Variants in COL5A2 observed in about 807,000 individuals in gnomAD.
The protein encoded by COL5A2 is collagen type V alpha 2 chain, also known as collagen alpha-2(V) chain.
Under a neutral mutation model 208.2 loss-of-function variants are expected in COL5A2, and 23 were observed. That is an observed-to-expected ratio of 0.11 (90% CI 0.08 to 0.16). The LOEUF is 0.16. COL5A2 is among the 10% of genes least tolerant of loss of function. COL5A2 has a pLI of 1.00. For synonymous variants in COL5A2, 625 were observed against 628.5 expected (o/e 0.99, Z 0.08); for missense variants, 1,590 against 1,956.4 (o/e 0.81, Z 3.53).
chr2:189,251,140 T>C, the COL5A2 span, among the ~76,000 whole-genome samples: 1 of 152,078 alleles, frequency 6.6e-6, no homozygotes, highest in Non-Finnish European at 1.5e-5. Context: ...CTCTACACAA[T>C]AAAAAATTTT....
intron 45 of COL5A2, among the ~76,000 whole-genome samples, chr2:189,046,398 A>G (rs927219328): frequency 7.9e-5 from 12 of 152,302 alleles, no homozygotes; most frequent in African/African-American, 2.9e-4. Flanking sequence ...CTCATTTTGT[A>G]AAAGAAAAGC....
chr2:189,365,115 A>T, the COL5A2 span, among the ~76,000 whole-genome samples: 1 of 152,168 alleles, frequency 6.6e-6, no homozygotes, highest in Non-Finnish European at 1.5e-5. Flanking sequence ...TTTTCAGCCA[A>T]TCTGTAATTT....
rs548808461 is a variant in COL5A2, at chr2:189,122,747, A to G, written c.98-12298T>C. Among the ~76,000 whole-genome samples the G allele has an allele frequency of 9.8e-5, 15 of 152,338 alleles. No individual in the cohort carries two copies. In the South Asian group the frequency reaches 2.5e-3, roughly 25 times the overall value. On this transcript the variant is annotated intron_variant, in intron 1 of 53. Coordinates refer to ENST00000374866, the MANE Select transcript of COL5A2 (RefSeq NM_000393.5). ...CATGAAATGCTTGCTGAATAAATGA[A>G]AAAAGGTAATAAATAAAAGAATGTA...
At chr2:189,119,929 T>A (rs983237400) in intron 1 of COL5A2, among the ~76,000 whole-genome samples, 6 of 152,174 alleles carry the variant, frequency 3.9e-5, no homozygotes, top group African/African-American at 1.4e-4. Flanking sequence ...CTTGTTAACA[T>A]ATAGAAAAAG....
At chr2:189,066,832 C>A (rs1162536111) in intron 21 of COL5A2, 50 bp from the exon 22 acceptor site, 1 of 1,379,290 alleles carries the variant, frequency 7.3e-7, no homozygotes, top group Non-Finnish European at 1.0e-6. Context: ...TTAGCTAGTC[C>A]AATCTGCTCA....
chr2:189,068,580 A>G (rs1686204128), intron 19 of COL5A2, among the ~76,000 whole-genome samples: 1 of 152,254 alleles, frequency 6.6e-6, no homozygotes, highest in African/African-American at 2.4e-5. Context: ...CCCAACACAT[A>G]GAAGTGATAT....
chr2:189,400,176 A>T, the COL5A2 span, among the ~76,000 whole-genome samples: 10 of 152,164 alleles, frequency 6.6e-5, no homozygotes, highest in African/African-American at 2.4e-4. Context: ...CTTGATACTT[A>T]TCCTGCTCTG....
intron 8 of COL5A2, among the ~76,000 whole-genome samples, chr2:189,087,851 C>A (rs897854074): frequency 4.1e-5 from 6 of 148,046 alleles, no homozygotes; most frequent in African/African-American, 7.4e-5. Context: ...TTAAAAAAAA[C>A]CACACATATG....
intron 1 of COL5A2, among the ~76,000 whole-genome samples, chr2:189,189,022 T>A (rs1488361163): frequency 6.6e-6 from 1 of 152,324 alleles, no homozygotes; most frequent in East Asian, 1.9e-4. Context: ...TTTCTGTCTT[T>A]GAGAGAAGAA....
intron 1 of COL5A2, among the ~76,000 whole-genome samples, chr2:189,224,835 T>TA (rs909215952): frequency 3.6e-4 from 55 of 150,860 alleles, no homozygotes; most frequent in East Asian, 3.9e-4. Context: ...TAAGAACATA[T>TA]AAAAAAAAAC....
chr2:189,365,659 G>A, the COL5A2 span, among the ~76,000 whole-genome samples: 2 of 152,214 alleles, frequency 1.3e-5, no homozygotes, highest in East Asian at 1.9e-4. Flanking sequence ...CTGGAAGTCT[G>A]TTACTGACCC....
At chr2:189,082,903 A>C (rs966912900) in intron 12 of COL5A2, among the ~76,000 whole-genome samples, 1 of 152,214 alleles carries the variant, frequency 6.6e-6, no homozygotes, top group African/African-American at 2.4e-5. Context: ...TCCCAGGCTG[A>C]TCGAGGAGGA....
At chr2:189,294,604 T>A in the COL5A2 span, among the ~76,000 whole-genome samples, 1 of 152,202 alleles carries the variant, frequency 6.6e-6, no homozygotes, top group African/African-American at 2.4e-5. Context: ...AACATACTCA[T>A]AAAAACTCAT....
At chr2:189,343,517 C>T in the COL5A2 span, among the ~76,000 whole-genome samples, 2 of 152,022 alleles carry the variant, frequency 1.3e-5, no homozygotes, top group Non-Finnish European at 2.9e-5. Context: ...GACTCATCAT[C>T]AAAATAATTA....
the COL5A2 span, among the ~76,000 whole-genome samples, chr2:189,422,429 C>A: frequency 6.6e-6 from 1 of 151,962 alleles, no homozygotes; most frequent in African/African-American, 2.4e-5. Flanking sequence ...CAGAATTGAT[C>A]AAGCAGAAGA....
At chr2:189,122,606 C>T (rs1368674358) in intron 1 of COL5A2, among the ~76,000 whole-genome samples, 1 of 152,180 alleles carries the variant, frequency 6.6e-6, no homozygotes, top group Non-Finnish European at 1.5e-5. Flanking sequence ...ATACCTGCAA[C>T]ATTCTATTAC....
the COL5A2 span, among the ~76,000 whole-genome samples, chr2:189,430,950 G>A: frequency 6.6e-6 from 1 of 152,158 alleles, no homozygotes; most frequent in African/African-American, 2.4e-5. Context: ...ATAGGTGGGT[G>A]CCCCTATGGG....
chr2:189,102,947 C>T (rs990560212), intron 3 of COL5A2, among the ~76,000 whole-genome samples: 1 of 152,106 alleles, frequency 6.6e-6, no homozygotes, highest in Non-Finnish European at 1.5e-5. Context: ...TGAGTATATT[C>T]TTCACCCAGC....
chr2:189,145,888 C>G (rs1186543649), intron 1 of COL5A2, among the ~76,000 whole-genome samples: 2 of 152,052 alleles, frequency 1.3e-5, no homozygotes, highest in Non-Finnish European at 2.9e-5. Flanking sequence ...TATTAAATTT[C>G]CAAAAACTTG....
Sources: gnomAD v4.1 joint callset for allele counts (sites outside exome capture counted in the v4.1 genomes callset) on GRCh38, gnomAD v4.1.1 for gene constraint, MANE v1.5 for transcripts, NCBI Gene and HGNC (gene_info 2026-07-23, HGNC 2026-07-21) for gene names.